Variants in ALK observed in about 807,000 individuals in gnomAD.
ALK encodes ALK receptor tyrosine kinase, also known as ALK tyrosine kinase receptor.
A neutral mutation model predicts 163.1 loss-of-function variants in ALK; 74 were observed. That is an observed-to-expected ratio of 0.45 (90% confidence interval 0.38 to 0.55). ALK has a LOEUF of 0.55. Among genes scored for constraint, ALK ranks in the 20% least tolerant of loss-of-function variants. The pLI, the probability that ALK is intolerant of heterozygous loss-of-function variation, is 0.00. For missense variants in ALK, 2,063 were observed against 2,105.3 expected, an observed-to-expected ratio of 0.98 and a Z score of 0.39; for synonymous variants, 960 against 843.2, an observed-to-expected ratio of 1.14 and a Z score of -2.40.
In ALK at chr2:29,295,838, GGGTTGACTTTT is replaced by G. The variant is rs1187675611; in HGVS notation, c.1817+1039_1817+1049del. On this transcript the variant is annotated intron_variant, in intron 9 of 28. Transcript: ENST00000389048. ...AGGCAGAGGCTGCTGTGGGTTGTAA[GGGTTGACTTTT>G]AGCCCATAAAAGATGGCTGTCCCCC... Among the ~76,000 whole-genome samples, 39 of 152,254 alleles carry G rather than the reference GGGTTGACTTTT, an allele frequency of 2.6e-4. 1 individual carries two copies. The highest frequency in any genetic ancestry group is 6.5e-4 in the Admixed American group (10 of 15,292).
intron 3 of ALK, among the ~76,000 whole-genome samples, chr2:29,628,542 T>C (rs908347029): frequency 1.3e-5 from 2 of 152,204 alleles, no homozygotes; most frequent in Non-Finnish European, 2.9e-5. Context: ...ACTTCACAAG[T>C]ATTATACTCT....
At chr2:29,675,093 T>C (rs1337153698) in intron 3 of ALK, among the ~76,000 whole-genome samples, 1 of 152,038 alleles carries the variant, frequency 6.6e-6, no homozygotes, top group African/African-American at 2.4e-5. Context: ...TGCTAGTGCT[T>C]CCAGGACATT....
chr2:29,732,533 T>G (rs917355082), intron 1 of ALK, among the ~76,000 whole-genome samples: 3 of 152,216 alleles, frequency 2.0e-5, no homozygotes, highest in Non-Finnish European at 4.4e-5. Context: ...TGAAAAAGAC[T>G]TGAGGAAGAT....
chr2:29,638,230 G>C (rs1183570618), intron 3 of ALK, among the ~76,000 whole-genome samples: 1 of 152,328 alleles, frequency 6.6e-6, no homozygotes, highest in East Asian at 1.9e-4. Flanking sequence ...CTGCAATATA[G>C]AAAGGTAATG....
At chr2:29,815,299 T>C (rs1033355895) in intron 1 of ALK, among the ~76,000 whole-genome samples, 2 of 151,942 alleles carry the variant, frequency 1.3e-5, no homozygotes, top group Non-Finnish European at 2.9e-5. Flanking sequence ...GCACAGTACC[T>C]GGAAAGATTT....
chr2:29,311,435 G>A (rs114235490), intron 8 of ALK, among the ~76,000 whole-genome samples: 15 of 152,318 alleles, frequency 9.8e-5, no homozygotes, highest in African/African-American at 3.6e-4. Flanking sequence ...CAAACAGGGT[G>A]TAGCTTCCTG....
rs1471622193 is a variant in ALK, at chr2:29,763,083, T to G, written c.668-45386A>C. On this transcript the variant is annotated intron_variant, in intron 1 of 28. Transcript: ENST00000389048. ...GCCTAGGCGACAGAGTGAGACTCCA[T>G]CTCAAAAAAAAAAAAAAAAAAAAAA... Among the ~76,000 whole-genome samples the G allele has an allele frequency of 2.5e-5, 3 of 121,540 alleles. No individual in the cohort carries two copies. The Admixed American group carries it at 2.8e-4, about 11-fold the overall frequency. 79.7% of individuals were successfully genotyped at this position (121,540 alleles called of 152,430 possible). A position where few individuals can be genotyped will look rare whatever the true frequency, so the allele number is the denominator to read the frequency against.
chr2:29,808,259 G>T (rs1256298517), intron 1 of ALK, among the ~76,000 whole-genome samples: 1 of 152,196 alleles, frequency 6.6e-6, no homozygotes, highest in East Asian at 1.9e-4. Flanking sequence ...GTTGGTCCCA[G>T]TGCAGGAAAT....
intron 1 of ALK, among the ~76,000 whole-genome samples, chr2:29,856,235 C>T (rs1395966674): frequency 6.6e-6 from 1 of 152,158 alleles, no homozygotes; most frequent in Admixed American, 6.5e-5. Flanking sequence ...AATGACTTAA[C>T]AGGGCCCTAG....
rs572540618 is a variant in ALK at position 29,207,901 on chromosome 2, C to A, written c.3837-629G>T. On this transcript the variant is annotated intron_variant, in intron 25 of 28. Transcript: ENST00000389048. ...TCACTGCTAAAAACCAATAAATTAA[C>A]TCATCTGCCTGTTAGGCCAATTGCA... 68 of 341,464 alleles carry A rather than the reference C, an allele frequency of 2.0e-4. 1 individual carries two copies. The highest frequency in any genetic ancestry group is 8.9e-4 in the African/African-American group (42 of 47,182). The allele number at this position is 341,464 out of a possible 1,614,324, so 21.2% of individuals were successfully genotyped here. A position where few individuals can be genotyped will look rare whatever the true frequency, so the allele number is the denominator to read the frequency against.
chr2:29,498,675 G>T (rs1371243183), intron 4 of ALK, among the ~76,000 whole-genome samples: 1 of 152,182 alleles, frequency 6.6e-6, no homozygotes, highest in Non-Finnish European at 1.5e-5. Flanking sequence ...TTGCTCATTT[G>T]TCTGCCAAGA....
At chr2:29,337,617 G>C (rs1292423913) in intron 5 of ALK, among the ~76,000 whole-genome samples, 1 of 152,084 alleles carries the variant, frequency 6.6e-6, no homozygotes, top group Non-Finnish European at 1.5e-5. Flanking sequence ...AGGCTCTCTG[G>C]GTGATAATTG....
At chr2:29,710,960 C>T (rs1460196813) in intron 2 of ALK, among the ~76,000 whole-genome samples, 1 of 152,176 alleles carries the variant, frequency 6.6e-6, no homozygotes, top group Non-Finnish European at 1.5e-5. Context: ...CACCACATTT[C>T]CTCCTCCCTC....
chr2:29,871,314 G>T (rs975694483), intron 1 of ALK, among the ~76,000 whole-genome samples: 16 of 152,136 alleles, frequency 1.1e-4, no homozygotes, highest in Admixed American at 6.5e-5. Context: ...GGCCATAATA[G>T]AGCCATGCAA....
intron 1 of ALK, among the ~76,000 whole-genome samples, chr2:29,903,003 C>A (rs1175013073): frequency 1.3e-5 from 2 of 152,140 alleles, no homozygotes; most frequent in African/African-American, 4.8e-5. Flanking sequence ...TAACTAGGAC[C>A]CAGAGAGTTT....
rs138347974 is a variant in ALK at position 29,272,043 on chromosome 2, A to C, written c.2041+3056T>G. Reference sequence around the variant, plus strand: ...GGCCCTGGGGGGCCTGCTTGTCCCAATCTGGGCTTTTTAGGGAAAGAGTGT... The same window carrying C: ...GGCCCTGGGGGGCCTGCTTGTCCCACTCTGGGCTTTTTAGGGAAAGAGTGT... On this transcript the variant is annotated intron_variant, in intron 11 of 28. Transcript: ENST00000389048. Among the ~76,000 whole-genome samples, 39 of 152,222 alleles carry C rather than the reference A, an allele frequency of 2.6e-4. 1 individual carries two copies. In the East Asian group the frequency reaches 5.4e-3, roughly 21 times the overall value.
At chr2:29,862,162 A>G (rs890972888) in intron 1 of ALK, among the ~76,000 whole-genome samples, 3 of 152,226 alleles carry the variant, frequency 2.0e-5, no homozygotes, top group African/African-American at 7.2e-5. Context: ...CCCATAGCCA[A>G]TATCATACTC....
intron 1 of ALK, among the ~76,000 whole-genome samples, chr2:29,807,102 C>T (rs7579107): frequency 0.092 from 13,969 of 152,236 alleles, 1,900 homozygotes; most frequent in African/African-American, 0.3. Context: ...AAAACTTTAA[C>T]TTTCTTAAAG....
intron 25 of ALK, 64 bp downstream of exon 25, chr2:29,209,722 C>A: frequency 8.2e-7 from 1 of 1,223,814 alleles, no homozygotes; most frequent in Non-Finnish European, 1.2e-6. Context: ...AGCAGCCACA[C>A]CCCATTCTTG....
Sources: allele counts gnomAD v4.1 joint callset (sites outside exome capture counted in the v4.1 genomes callset), GRCh38; gene constraint gnomAD v4.1.1; transcripts MANE v1.5; gene names NCBI Gene and HGNC (gene_info 2026-07-23, HGNC 2026-07-21).